The following ESRRG variants were observed in gnomAD, a reference collection of about 807,000 sequenced individuals.
ESRRG encodes the protein estrogen related receptor gamma, also known as estrogen-related receptor gamma.
ESRRG carries 13 observed loss-of-function variants against 44.0 expected under a neutral mutation model. That is an observed-to-expected ratio of 0.30 (90% CI 0.19 to 0.47). ESRRG has a LOEUF of 0.47. ESRRG is among the 20% of genes least tolerant of loss of function. The pLI, the probability that ESRRG is intolerant of heterozygous loss-of-function variation, is 1.00. For synonymous variants in ESRRG, 215 were observed against 214.6 expected (o/e 1.00, Z -0.02); for missense variants, 395 against 580.6 (o/e 0.68, Z 3.29).
intron 4 of ESRRG, among the ~76,000 whole-genome samples, chr1:216,565,370 C>G (rs1383188906): frequency 6.6e-6 from 1 of 152,064 alleles, no homozygotes. Context: ...TGAGAATAAA[C>G]CCACATATTT....
intron 3 of ESRRG, among the ~76,000 whole-genome samples, chr1:216,649,255 C>T (rs189635170): frequency 4.9e-4 from 74 of 152,172 alleles, no homozygotes; most frequent in Non-Finnish European, 8.8e-5. Flanking sequence ...ATGGGAAGAC[C>T]TTAGTACATA....
At chr1:216,638,258 T>G (rs1340839376) in intron 3 of ESRRG, among the ~76,000 whole-genome samples, 2 of 152,198 alleles carry the variant, frequency 1.3e-5, no homozygotes, top group Non-Finnish European at 2.9e-5. Flanking sequence ...AAAGCTATCC[T>G]CTGATGTATG....
chr1:216,848,860 G>T (rs901926591), intron 2 of ESRRG, among the ~76,000 whole-genome samples: 116 of 151,462 alleles, frequency 7.7e-4, no homozygotes, highest in African/African-American at 2.6e-3. Flanking sequence ...TAATACTAGC[G>T]CTGGATATGC....
intron 2 of ESRRG, among the ~76,000 whole-genome samples, chr1:216,910,575 G>T (rs1241419897): frequency 6.6e-6 from 1 of 152,158 alleles, no homozygotes; most frequent in Non-Finnish European, 1.5e-5. Context: ...CACAGGACTG[G>T]ACAGAGGATA....
At chr1:217,093,466 G>GA (rs34901925), upstream of ESRRG, among the ~76,000 whole-genome samples, 64,418 of 149,724 alleles carry the variant, frequency 0.43, 15,182 homozygotes, top group East Asian at 0.57. Context: ...GGCAGCTCAG[G>GA]AAAAAAAAAA....
intron 1 of ESRRG, among the ~76,000 whole-genome samples, chr1:216,680,825 G>A (rs888794449): frequency 6.6e-6 from 1 of 152,168 alleles, no homozygotes; most frequent in Non-Finnish European, 1.5e-5. Context: ...ATTGTCAGCT[G>A]GTGGGTTTTA....
At chr1:216,584,257 A>G (rs1242998806) in intron 3 of ESRRG, among the ~76,000 whole-genome samples, 1 of 148,872 alleles carries the variant, frequency 6.7e-6, no homozygotes, top group African/African-American at 2.5e-5. Flanking sequence ...TAAAAAACTT[A>G]CAATTTTTTT....
At chr1:216,588,371 C>T (rs2057042805) in intron 3 of ESRRG, among the ~76,000 whole-genome samples, 1 of 152,110 alleles carries the variant, frequency 6.6e-6, no homozygotes, top group South Asian at 2.1e-4. Flanking sequence ...CAAACAACAA[C>T]AACAAAGCCA....
chr1:216,876,202 A>AT (rs5780939), intron 2 of ESRRG, among the ~76,000 whole-genome samples: 76,325 of 152,066 alleles, frequency 0.5, 21,985 homozygotes, highest in African/African-American at 0.8. Flanking sequence ...TTCTGATAAG[A>AT]TTTTTTTAAC....
At chr1:217,003,892 A>G (rs1477053342) in intron 1 of ESRRG, among the ~76,000 whole-genome samples, 2 of 152,040 alleles carry the variant, frequency 1.3e-5, no homozygotes, top group Non-Finnish European at 2.9e-5. Context: ...TAAAAAAAAA[A>G]GAAGTCATCA....
intron 1 of ESRRG, among the ~76,000 whole-genome samples, chr1:216,709,343 G>GTATATATATATATATATATATATATA (rs71163761): frequency 6.9e-6 from 1 of 145,370 alleles, no homozygotes; most frequent in African/African-American, 2.6e-5. Flanking sequence ...GTGTGTGTGT[G>GTATATATATATATATATATATATATA]TATATATATA....
intron 2 of ESRRG, chr1:216,865,188 A>AAAAAAC (rs2096129601): frequency 3.5e-5 from 1 of 28,808 alleles, no homozygotes; most frequent in Non-Finnish European, 8.1e-5. Flanking sequence ...GCTGTGCAGC[A>AAAAAAC]AAAAAAAAAA....
intron 5 of ESRRG, among the ~76,000 whole-genome samples, chr1:216,531,088 A>C (rs1180408055): frequency 6.6e-6 from 1 of 152,194 alleles, no homozygotes; most frequent in Non-Finnish European, 1.5e-5. Flanking sequence ...TTTACAGCAT[A>C]GGCCATTAAA....
intron 2 of ESRRG, among the ~76,000 whole-genome samples, chr1:216,822,341 G>A (rs894472977): frequency 6.6e-6 from 1 of 152,106 alleles, no homozygotes; most frequent in Non-Finnish European, 1.5e-5. Context: ...CTAACAGTTG[G>A]AGGAAATCAA....
chr1:216,575,190 A>T (rs2061477747), intron 3 of ESRRG, among the ~76,000 whole-genome samples: 1 of 152,122 alleles, frequency 6.6e-6, no homozygotes, highest in African/African-American at 2.4e-5. Flanking sequence ...GGAGTAGTGA[A>T]CATTATTTGT....
intron 5 of ESRRG, among the ~76,000 whole-genome samples, chr1:216,542,557 T>C (rs1256201749): frequency 6.6e-6 from 1 of 152,020 alleles, no homozygotes; most frequent in Non-Finnish European, 1.5e-5. Flanking sequence ...ACTTCAATAA[T>C]ATTCAGAAAA....
At chr1:217,125,996 C>T (rs903946388) in intron 1 of ESRRG, among the ~76,000 whole-genome samples, 1 of 152,116 alleles carries the variant, frequency 6.6e-6, no homozygotes, top group African/African-American at 2.4e-5. Flanking sequence ...ACACAAATAA[C>T]CCAGGTCACT....
At chr1:217,136,253 C>T (rs1400370499) in intron 1 of ESRRG, among the ~76,000 whole-genome samples, 1 of 152,180 alleles carries the variant, frequency 6.6e-6, no homozygotes, top group African/African-American at 2.4e-5. Flanking sequence ...AAAGGGAAAG[C>T]AACGCCAGGA....
At chr1:217,074,446 C>A in intron 1 of ESRRG, among the ~76,000 whole-genome samples, 1 of 122,952 alleles carries the variant, frequency 8.1e-6, no homozygotes. Context: ...AGAAATCCAC[C>A]CCCCCCAAAA....
Sources: gnomAD v4.1 joint callset for allele counts (sites outside exome capture counted in the v4.1 genomes callset) on GRCh38, gnomAD v4.1.1 for gene constraint, MANE v1.5 for transcripts, NCBI Gene and HGNC (gene_info 2026-07-23, HGNC 2026-07-21) for gene names.